Variants in HOMER1 observed in about 807,000 individuals in gnomAD.
HOMER1 encodes the protein homer protein homolog 1.
HOMER1 carries 3 observed loss-of-function variants against 48.9 expected under a neutral mutation model. The observed-to-expected ratio is 0.06, with a 90% CI of 0.03 to 0.16. HOMER1 has a LOEUF of 0.16. Ranked by LOEUF, HOMER1 falls within the 10% of genes least tolerant of loss-of-function variation. The probability of loss-of-function intolerance (pLI) is 1.00; values close to 1 mark genes in which losing one functional copy is unlikely to be tolerated. For missense variants in HOMER1, 247 were observed against 411.4 expected (o/e 0.60, Z 3.46); for synonymous variants, 134 against 146.4 (o/e 0.92, Z 0.61).
Position 79,513,098 on chromosome 5 carries a change from TA to T in HOMER1, c.-325del. On this transcript the variant is annotated 5_prime_UTR_variant, in exon 1 of 9. The change abolishes the stop of an existing upstream ORF in the 5' untranslated region. Transcript: ENST00000334082. The stretch of plus-strand genomic sequence containing the variant: ...CAGAATCCGGCTTCACCGAGTCCTA[TA>T]AAAAATGAGTTCGCTGGTCATTTCA... 2.7e-6 allele frequency: 1 copy of T among 376,670 alleles called. No individual in the cohort carries two copies. Among genetic ancestry groups the T allele is most frequent in the Non-Finnish European group, 4.8e-6 (1 of 208,432 alleles). 23.3% of individuals were successfully genotyped at this position (376,670 alleles called of 1,614,324 possible).
chr5:79,466,585 C>T (rs1295232670), intron 1 of HOMER1, among the ~76,000 whole-genome samples: 1 of 151,898 alleles, frequency 6.6e-6, no homozygotes, highest in Non-Finnish European at 1.5e-5. Context: ...AAATATTCTC[C>T]TCTTCCCAAA....
chr5:79,506,962 C>A lies in HOMER1; in HGVS notation c.5+5808G>T, dbSNP rs189524347. 8.0e-3 allele frequency among the ~76,000 whole-genome samples: 1,213 copies of A among 151,810 alleles called. 19 individuals are homozygous for A. Among genetic ancestry groups the A allele is most frequent in the African/African-American group, 0.028 (1,149 of 41,392 alleles). On this transcript the variant is annotated intron_variant, in intron 1 of 8. Coordinates refer to ENST00000334082, the MANE Select transcript of HOMER1 (RefSeq NM_004272.5). ...GGCGCGGTGGCTCATGCCTGTAATC[C>A]CAGCACTTTGGGAGGCCGAGGCAGG...
At chr5:79,451,556 CTTTTTTTTTT>C (rs71615542) in intron 2 of HOMER1, among the ~76,000 whole-genome samples, 2 of 64,630 alleles carry the variant, frequency 3.1e-5, no homozygotes, top group Non-Finnish European at 5.0e-5. Flanking sequence ...AAATATGACA[CTTTTTTTTTT>C]TTTTTTTTTT....
chr5:79,486,939 C>A (rs1035060859), intron 1 of HOMER1, among the ~76,000 whole-genome samples: 12 of 152,112 alleles, frequency 7.9e-5, no homozygotes, highest in Non-Finnish European at 1.3e-4. Context: ...CAGCAAAGTA[C>A]CCTTTGAGAA....
intron 2 of HOMER1, among the ~76,000 whole-genome samples, chr5:79,451,623 T>A (rs1478600903): frequency 7.4e-6 from 1 of 135,040 alleles, no homozygotes; most frequent in Non-Finnish European, 1.5e-5. Context: ...TGGAGTGCAG[T>A]GGCGTGATCT....
At chr5:79,392,934 G>A (rs1409242157) in intron 8 of HOMER1, among the ~76,000 whole-genome samples, 2 of 141,814 alleles carry the variant, frequency 1.4e-5, no homozygotes, top group South Asian at 2.4e-4. Flanking sequence ...TACGAGGGAG[G>A]GAGGGAAAAG....
chr5:79,505,714 G>A (rs903912108), intron 1 of HOMER1, among the ~76,000 whole-genome samples: 1 of 152,108 alleles, frequency 6.6e-6, no homozygotes, highest in South Asian at 2.1e-4. Context: ...AAAATGAAAA[G>A]GTAAGTGTAC....
intron 8 of HOMER1, among the ~76,000 whole-genome samples, chr5:79,396,217 C>T (rs1440691184): frequency 6.6e-6 from 1 of 152,034 alleles, no homozygotes; most frequent in Non-Finnish European, 1.5e-5. Flanking sequence ...AAATTAATTA[C>T]ACTGAAGAAC....
chr5:79,409,084 G>GGAAAAAAAAAA lies in HOMER1; in HGVS notation c.528-7030_528-7029insTTTTTTTTTTC, dbSNP rs1554057917. Among the ~76,000 whole-genome samples the GGAAAAAAAAAA allele has an allele frequency of 2.8e-3, 306 of 109,554 alleles. 1 individual carries two copies. Among genetic ancestry groups the GGAAAAAAAAAA allele is most frequent in the East Asian group, 8.9e-3 (30 of 3,386 alleles). The allele number at this position is 109,554 out of a possible 152,430, so 71.9% of individuals were successfully genotyped here. On this transcript the variant is annotated intron_variant, in intron 5 of 8. Transcript: ENST00000334082. ...TTGATGAAGCAAGATTTTGTCTTGA[G>GGAAAAAAAAAA]AAAAAAAAAAAAATTGAAGAGCTCC...
At chr5:79,507,145 G>T (rs772509815) in intron 1 of HOMER1, among the ~76,000 whole-genome samples, 1 of 148,426 alleles carries the variant, frequency 6.7e-6, no homozygotes, top group Non-Finnish European at 1.5e-5. Context: ...CCCGGGAGGC[G>T]GAGGTTGCAG....
At chr5:79,437,949 A>G (rs1750638508) in intron 5 of HOMER1, among the ~76,000 whole-genome samples, 1 of 152,128 alleles carries the variant, frequency 6.6e-6, no homozygotes, top group African/African-American at 2.4e-5. Context: ...ATGCCACTGC[A>G]CCTGGCCATT....
At position 79,376,050 on chromosome 5, in the gene HOMER1, C is replaced by T. The variant is rs1028320248; in HGVS notation, c.1024G>A (p.Glu342Lys). The part of the protein sequence containing the change: ...ILDGKIFELT[E>K]LRDNLAKLLE... ...AGCTTGGCCAAGTTATCTCGTAATT[C>T]TGTTAGTTCAAATATCTTTCCATCC... Residue 342 changes from glutamate (E) to lysine (K), a missense_variant, in exon 9 of 9, where the codon GAA becomes AAA. Glu to Lys is a moderately conservative substitution (Grantham distance 56). Coordinates refer to ENST00000334082, the MANE Select transcript of HOMER1 (RefSeq NM_004272.5). 9 of 1,612,414 alleles carry T rather than the reference C, an allele frequency of 5.6e-6. No homozygotes were observed. Among genetic ancestry groups the T allele is most frequent in the Non-Finnish European group, 6.8e-6 (8 of 1,179,462 alleles).
intron 1 of HOMER1, among the ~76,000 whole-genome samples, chr5:79,498,125 G>A (rs778010963): frequency 2.0e-4 from 30 of 152,314 alleles, no homozygotes; most frequent in Non-Finnish European, 3.5e-4. Flanking sequence ...TCCAGGCCAA[G>A]TGCAGTGGCT....
intron 4 of HOMER1, among the ~76,000 whole-genome samples, chr5:79,443,411 C>A (rs1750791966): frequency 6.6e-6 from 1 of 152,146 alleles, no homozygotes; most frequent in Non-Finnish European, 1.5e-5. Context: ...CCTACTAAAT[C>A]AGACAGTCTG....
chr5:79,375,888 G>T lies in HOMER1; in HGVS notation c.*121C>A. 1.9e-6 allele frequency: 1 copy of T among 517,824 alleles called. No individual in the cohort carries two copies. Among genetic ancestry groups the T allele is most frequent in the Non-Finnish European group, 3.2e-6 (1 of 317,090 alleles). The allele number at this position is 517,824 out of a possible 1,614,324, so 32.1% of individuals were successfully genotyped here. A position where few individuals can be genotyped will look rare whatever the true frequency, so the allele number is the denominator to read the frequency against. On this transcript the variant is annotated 3_prime_UTR_variant, in exon 9 of 9. Transcript: ENST00000334082. ...TCCAATTTCAAAAGATCCTCCTCCTGGAGGAGTGATATTCAATTTTTTTTT... is the reference window on the plus strand; with the variant it reads ...TCCAATTTCAAAAGATCCTCCTCCTTGAGGAGTGATATTCAATTTTTTTTT...
At chr5:79,379,178 T>TAAAA (rs1748875928) in intron 8 of HOMER1, among the ~76,000 whole-genome samples, 2 of 105,440 alleles carry the variant, frequency 1.9e-5, no homozygotes, top group African/African-American at 7.5e-5. Flanking sequence ...ATATTATATA[T>TAAAA]ATTTTTATAT....
At chr5:79,453,218 T>C (rs1157857718) in intron 2 of HOMER1, among the ~76,000 whole-genome samples, 1 of 139,774 alleles carries the variant, frequency 7.2e-6, no homozygotes, top group Non-Finnish European at 1.6e-5. Flanking sequence ...GGCACTGCCT[T>C]AGATTTGCTG....
intron 8 of HOMER1, among the ~76,000 whole-genome samples, chr5:79,395,209 C>T (rs1393917403): frequency 6.6e-6 from 1 of 152,188 alleles, no homozygotes; most frequent in Admixed American, 6.5e-5. Context: ...TTAACATATG[C>T]TTGAATCATC....
chr5:79,456,816 GA>G, intron 2 of HOMER1, 45 bp downstream of exon 2: 9 of 1,578,898 alleles, frequency 5.7e-6, no homozygotes, highest in Non-Finnish European at 7.8e-6. Context: ...ATGTCATACT[GA>G]AAAAAGCAAA....
Sources: allele counts gnomAD v4.1 joint callset (sites outside exome capture counted in the v4.1 genomes callset), GRCh38; gene constraint gnomAD v4.1.1; transcripts MANE v1.5; gene names NCBI Gene and HGNC (gene_info 2026-07-23, HGNC 2026-07-21).